The following LRRIQ1 variants were observed in gnomAD, a reference collection of about 807,000 sequenced individuals.
LRRIQ1 encodes leucine-rich repeat- and IQ domain-containing protein 1.
Under a neutral mutation model 211.9 loss-of-function variants are expected in LRRIQ1, and 210 were observed. That is an observed-to-expected ratio of 0.99 (90% CI 0.89 to 1.11). The LOEUF (loss-of-function observed/expected upper bound fraction) is 1.11, where lower values mean the gene tolerates loss of function less well. LRRIQ1 is among the 50% of genes most tolerant of loss of function. The pLI, the probability that LRRIQ1 is intolerant of heterozygous loss-of-function variation, is 0.00. For synonymous variants in LRRIQ1, 699 were observed against 650.1 expected (o/e 1.08, Z -1.14); for missense variants, 2,136 against 1,939.5 (o/e 1.10, Z -1.90).
chr12:85,163,990 A>G (rs1203269519), intron 24 of LRRIQ1, among the ~76,000 whole-genome samples: 1 of 152,164 alleles, frequency 6.6e-6, no homozygotes, highest in Non-Finnish European at 1.5e-5. Flanking sequence ...CTATGAGACA[A>G]GTCTGAGAGC....
intron 26 of LRRIQ1, among the ~76,000 whole-genome samples, chr12:85,240,368 A>G (rs972328805): frequency 1.3e-5 from 2 of 152,176 alleles, no homozygotes; most frequent in African/African-American, 4.8e-5. Context: ...TGAAAATGGT[A>G]CAGCCACTCT....
intron 3 of LRRIQ1, among the ~76,000 whole-genome samples, chr12:85,043,638 C>T (rs980329822): frequency 2.2e-5 from 2 of 91,504 alleles, no homozygotes; most frequent in Admixed American, 2.0e-4. Flanking sequence ...TTGGGAGAAA[C>T]ATCTTTGTTT....
chr12:85,131,398 T>C (rs967314974), intron 18 of LRRIQ1, among the ~76,000 whole-genome samples: 7 of 152,054 alleles, frequency 4.6e-5, no homozygotes, highest in Non-Finnish European at 8.8e-5. Flanking sequence ...GTGTTTGTTA[T>C]GTGATCAAGA....
intron 19 of LRRIQ1, among the ~76,000 whole-genome samples, chr12:85,139,240 A>G (rs1291366949): frequency 6.6e-6 from 1 of 151,484 alleles, no homozygotes; most frequent in Admixed American, 6.6e-5. Context: ...AGATCTTTTC[A>G]GCACACCCAT....
chr12:85,100,989 G>C (rs1446137872), intron 13 of LRRIQ1, among the ~76,000 whole-genome samples: 2 of 151,608 alleles, frequency 1.3e-5, no homozygotes, highest in Non-Finnish European at 3.0e-5. Context: ...CCTACAACTT[G>C]GTCAGTAGAT....
chr12:85,219,559 C>T (rs77906729), intron 24 of LRRIQ1, among the ~76,000 whole-genome samples: 3,972 of 152,160 alleles, frequency 0.026, 70 homozygotes, highest in South Asian at 0.048. Flanking sequence ...ATTCAAATGT[C>T]AGAAACTAGC....
At chr12:85,195,867 G>A (rs1010848433) in intron 24 of LRRIQ1, among the ~76,000 whole-genome samples, 2 of 152,020 alleles carry the variant, frequency 1.3e-5, no homozygotes, top group Admixed American at 6.6e-5. Context: ...ATTCAATTAG[G>A]AAAAGAGAAA....
chr12:85,160,725 A>G lies in LRRIQ1; in HGVS notation c.4822+11A>G, dbSNP rs918780206. 9 of 1,459,518 alleles carry G rather than the reference A, an allele frequency of 6.2e-6. No individual in the cohort carries two copies. Among genetic ancestry groups the G allele is most frequent in the Non-Finnish European group, 8.6e-6 (9 of 1,050,964 alleles). 90.4% of individuals were successfully genotyped at this position (1,459,518 alleles called of 1,614,324 possible). A position where few individuals can be genotyped will look rare whatever the true frequency, so the allele number is the denominator to read the frequency against. On this transcript the variant is annotated intron_variant, in intron 24 of 26. Coordinates refer to ENST00000393217, the MANE Select transcript of LRRIQ1 (RefSeq NM_001079910.2). ...ATGGTTACTTTGAAGGTATGGCTTA[A>G]TAACAGATACATAGAGAGGTAAAAA...
At chr12:85,133,504 C>T (rs945687200) in intron 18 of LRRIQ1, among the ~76,000 whole-genome samples, 4 of 152,122 alleles carry the variant, frequency 2.6e-5, no homozygotes, top group African/African-American at 7.2e-5. Context: ...TTTCTTACTT[C>T]TCCTGTGGTG....
At chr12:85,198,011 T>G (rs1356618161) in intron 24 of LRRIQ1, among the ~76,000 whole-genome samples, 2 of 56,598 alleles carry the variant, frequency 3.5e-5, no homozygotes, top group African/African-American at 1.2e-4. Flanking sequence ...ACATATATAA[T>G]ATATTATATT....
At chr12:85,165,203 T>C (rs1891090872) in intron 24 of LRRIQ1, among the ~76,000 whole-genome samples, 1 of 152,118 alleles carries the variant, frequency 6.6e-6, no homozygotes, top group South Asian at 2.1e-4. Context: ...TTGTGTATGA[T>C]ACTGAGGTTT....
At chr12:85,200,577 A>G (rs955645296) in intron 24 of LRRIQ1, among the ~76,000 whole-genome samples, 16 of 152,116 alleles carry the variant, frequency 1.1e-4, no homozygotes, top group Non-Finnish European at 1.8e-4. Context: ...CCCATTCAGT[A>G]TGATATTGGC....
rs139683202 is a variant in LRRIQ1, at chr12:85,053,058, T to G, written c.753+807T>G. The stretch of plus-strand genomic sequence containing the variant: ...TTCAGTATATAAAATTAAAATTTAG[T>G]GGGTGAATTTGATTGGACATAGCAG... On this transcript the variant is annotated intron_variant, in intron 7 of 26. Coordinates refer to ENST00000393217, the MANE Select transcript of LRRIQ1 (RefSeq NM_001079910.2). 4.9e-3 allele frequency among the ~76,000 whole-genome samples: 748 copies of G among 152,168 alleles called. 5 individuals are homozygous for G. Among genetic ancestry groups the G allele is most frequent in the African/African-American group, 0.017 (698 of 41,528 alleles).
chr12:85,250,924 A>ATATATTATATATAATATATT (rs1895913319), intron 1 of LRRIQ1, among the ~76,000 whole-genome samples: 3 of 79,652 alleles, frequency 3.8e-5, no homozygotes, highest in African/African-American at 3.0e-4. Context: ...TATTTTATAT[A>ATATATTATATATAATATATT]TTATATATTA....
downstream of LRRIQ1, among the ~76,000 whole-genome samples, chr12:85,265,033 A>G (rs527834358): frequency 1.3e-5 from 2 of 152,212 alleles, no homozygotes; most frequent in East Asian, 1.9e-4. Flanking sequence ...ATGAGAATCA[A>G]CTACGTTGGT....
chr12:85,215,618 T>C (rs1228186553), intron 24 of LRRIQ1, among the ~76,000 whole-genome samples: 2 of 152,130 alleles, frequency 1.3e-5, no homozygotes, highest in Admixed American at 1.3e-4. Context: ...TCTGTTTCTA[T>C]GTTAGTTTGC....
chr12:85,119,159 C>T (rs148660156), intron 15 of LRRIQ1, among the ~76,000 whole-genome samples: 5 of 152,158 alleles, frequency 3.3e-5, no homozygotes, highest in African/African-American at 1.2e-4. Flanking sequence ...CTGTGCTTTG[C>T]CTATTCATCT....
At chr12:85,145,801 G>T (rs997864220) in intron 19 of LRRIQ1, among the ~76,000 whole-genome samples, 1 of 151,718 alleles carries the variant, frequency 6.6e-6, no homozygotes, top group Non-Finnish European at 1.5e-5. Context: ...GGGAAACACA[G>T]TCTCTGCCTT....
At chr12:85,225,327 G>A (rs1894599342) in intron 24 of LRRIQ1, among the ~76,000 whole-genome samples, 1 of 152,036 alleles carries the variant, frequency 6.6e-6, no homozygotes, top group African/African-American at 2.4e-5. Flanking sequence ...AATCCCTTAT[G>A]GGTACTGAGG....
Sources: gnomAD v4.1 joint callset for allele counts (sites outside exome capture counted in the v4.1 genomes callset) on GRCh38, gnomAD v4.1.1 for gene constraint, MANE v1.5 for transcripts, NCBI Gene and HGNC (gene_info 2026-07-23, HGNC 2026-07-21) for gene names.